SLC25A3: variants seen among roughly 807,000 people sequenced by gnomAD.
The protein encoded by SLC25A3 is solute carrier family 25 member 3.
SLC25A3 carries 14 observed loss-of-function variants against 37.1 expected under a neutral mutation model. The observed-to-expected ratio is 0.38, with a 90% CI of 0.25 to 0.59. The LOEUF (loss-of-function observed/expected upper bound fraction) is 0.59. Among genes scored for constraint, SLC25A3 ranks in the 20% least tolerant of loss-of-function variants. The pLI is 0.67. For missense variants in SLC25A3, 385 were observed against 458.1 expected (o/e 0.84, Z 1.46); for synonymous variants, 161 against 168.7 (o/e 0.95, Z 0.36).
Position 98,600,051 on chromosome 12 carries a change from G to C in SLC25A3, c.738G>C (p.Lys246Asn). 1 of 1,614,216 alleles carries C rather than the reference G, an allele frequency of 6.2e-7. No homozygotes were observed. Among genetic ancestry groups the C allele is most frequent in the South Asian group, 1.1e-5 (1 of 91,082 alleles). Residue 246 changes from lysine to asparagine, a missense_variant, in exon 6 of 8, where the codon AAG (lysine) becomes AAC (asparagine). By Grantham distance (94) the Lys-to-Asn change is moderately conservative. Transcript: ENST00000552981. ...CFERTVEALY[K>N]FVVPKPRSEC... ...AACGTACTGTTGAAGCACTGTACAA[G>C]TTTGTGGTTCCTAAGCCCCGCAGTG...
chr12:98,597,034 C>T (rs950861960), intron 3 of SLC25A3, among the ~76,000 whole-genome samples: 1 of 152,060 alleles, frequency 6.6e-6, no homozygotes, highest in Non-Finnish European at 1.5e-5. Context: ...AAACAAAAAA[C>T]ACAAAAAAAG....
At chr12:98,595,672 G>A (rs751010858) in intron 2 of SLC25A3, 55 bp from the exon 3 acceptor site, 1 of 1,613,886 alleles carries the variant, frequency 6.2e-7, no homozygotes, top group Non-Finnish European at 8.5e-7. Context: ...GTAAGTTTAT[G>A]ACCAGTAACA....
At chr12:98,598,215 A>G in intron 4 of SLC25A3, 180 bp downstream of exon 4, 2 of 693,028 alleles carry the variant, frequency 2.9e-6, no homozygotes, top group Non-Finnish European at 4.8e-6. Flanking sequence ...ATTTCATTAA[A>G]TTACAATTCT....
At position 98,604,810 on chromosome 12, in the gene SLC25A3, G is replaced by A. The variant is rs2097600386; in HGVS notation, c.*3282G>A. 6.6e-6 allele frequency: 1 copy of A among 152,456 alleles called. No homozygotes were observed. The highest frequency in any genetic ancestry group is 2.4e-5 in the African/African-American group (1 of 41,458). The allele number at this position is 152,456 out of a possible 1,614,324, so 9.4% of individuals were successfully genotyped here. A position where few individuals can be genotyped will look rare whatever the true frequency, so the allele number is the denominator to read the frequency against. Reference sequence around the variant, plus strand: ...GAAGGTCTTGCTCTGTCGCCAGACTGGAGTGCAGTGGCACGATGATAGCTC... The same window carrying A: ...GAAGGTCTTGCTCTGTCGCCAGACTAGAGTGCAGTGGCACGATGATAGCTC... On this transcript the variant is annotated 3_prime_UTR_variant, in exon 8 of 8. Transcript: ENST00000552981.
chr12:98,599,421 A>C (rs182166706), intron 5 of SLC25A3, among the ~76,000 whole-genome samples: 1 of 151,914 alleles, frequency 6.6e-6, no homozygotes, highest in East Asian at 1.9e-4. Context: ...TTTAATGTCT[A>C]TTTACCTGTA....
At chr12:98,597,708 G>T in intron 3 of SLC25A3, 148 bp from the exon 4 acceptor site, 1 of 1,108,252 alleles carries the variant, frequency 9.0e-7, no homozygotes, top group Non-Finnish European at 1.3e-6. Context: ...ACAGATGTGA[G>T]CCACCGTGCC....
intron 5 of SLC25A3, among the ~76,000 whole-genome samples, chr12:98,598,932 C>T (rs868774674): frequency 2.6e-5 from 4 of 151,852 alleles, no homozygotes; most frequent in Non-Finnish European, 4.4e-5. Context: ...CCTGCCACTG[C>T]GCCCAGCTAA....
At chr12:98,598,986 C>T (rs1465536768) in intron 5 of SLC25A3, among the ~76,000 whole-genome samples, 1 of 151,986 alleles carries the variant, frequency 6.6e-6, no homozygotes, top group Non-Finnish European at 1.5e-5. Flanking sequence ...CCGTCTCCAT[C>T]TCCTGACCTC....
At position 98,602,614 on chromosome 12, in the gene SLC25A3, A is replaced by G. The variant is rs2097598778; in HGVS notation, c.*1086A>G. On this transcript the variant is annotated 3_prime_UTR_variant, in exon 8 of 8. Transcript: ENST00000552981. ...ATTGTAGGTTTAAGCCCATTTTTAA[A>G]GAGCTCCTAGAAAGTGAATTAGTTT... 1 of 152,190 alleles carries G rather than the reference A, an allele frequency of 6.6e-6. No individual in the cohort carries two copies. Among genetic ancestry groups the G allele is most frequent in the East Asian group, 1.9e-4 (1 of 5,192 alleles). The allele number at this position is 152,190 out of a possible 1,614,324, so 9.4% of individuals were successfully genotyped here.
At chr12:98,598,306 G>C in intron 4 of SLC25A3, 4 of 780,484 alleles carry the variant, frequency 5.1e-6, no homozygotes, top group Non-Finnish European at 6.0e-6. Context: ...CCTTTGCGTA[G>C]TTCCGGGGCA....
rs1164441194 is a variant in SLC25A3 at position 98,603,460 on chromosome 12, A to G, written c.*1932A>G. The G allele has an allele frequency of 1.3e-5, 2 of 152,196 alleles. No individual in the cohort carries two copies. The highest frequency in any genetic ancestry group is 1.3e-4 in the Admixed American group (2 of 15,276). 9.4% of individuals were successfully genotyped at this position (152,196 alleles called of 1,614,324 possible). Reference sequence around the variant, plus strand: ...TACAACAGTGATGTCTCAGAAACCAAGTCCCAGATTGAGGAAAAAAGGAAC... The same window carrying G: ...TACAACAGTGATGTCTCAGAAACCAGGTCCCAGATTGAGGAAAAAAGGAAC... On this transcript the variant is annotated 3_prime_UTR_variant, in exon 8 of 8. Transcript: ENST00000552981.
rs759149460 is a variant in SLC25A3, at chr12:98,595,866, A to G, written c.279+18A>G. Reference sequence around the variant, plus strand: ...GTATGCAGGTTTGTATTGAGATGACAACATTGAAAGTATCTCTCATGTGAC... The same window carrying G: ...GTATGCAGGTTTGTATTGAGATGACGACATTGAAAGTATCTCTCATGTGAC... On this transcript the variant is annotated intron_variant, in intron 3 of 7. Coordinates refer to ENST00000552981, the MANE Select transcript of SLC25A3 (RefSeq NM_002635.4). 3 of 1,605,422 alleles carry G rather than the reference A, an allele frequency of 1.9e-6. No homozygotes were observed. The highest frequency in any genetic ancestry group is 1.7e-5 in the Admixed American group (1 of 60,010).
chr12:98,595,900 A>G, intron 3 of SLC25A3, 52 bp downstream of exon 3: 2 of 1,509,532 alleles, frequency 1.3e-6, no homozygotes, highest in South Asian at 1.1e-5. Context: ...ACTTAACTCT[A>G]AATAAAATCT....
Position 98,598,020 on chromosome 12 carries a change from C to T in SLC25A3, c.444C>T (p.Ser148=), listed in dbSNP as rs1419485575. Residue 148 remains serine, a synonymous_variant, in exon 4 of 8, where the codon AGC becomes AGT. Coordinates refer to ENST00000552981, the MANE Select transcript of SLC25A3 (RefSeq NM_002635.4). The part of the protein sequence containing the change: ...GFYEVFKVLY[S]NMLGEENTYL... Reference sequence around the variant, plus strand: ...ATGAAGTCTTTAAAGTCTTGTATAGCAATATGCTTGGAGAGGTATGTAATT... The same window carrying T: ...ATGAAGTCTTTAAAGTCTTGTATAGTAATATGCTTGGAGAGGTATGTAATT... The T allele has an allele frequency of 6.2e-7, 1 of 1,612,920 alleles. No homozygotes were observed. Among genetic ancestry groups the T allele is most frequent in the Non-Finnish European group, 8.5e-7 (1 of 1,179,064 alleles).
In SLC25A3 at chr12:98,597,818, T is replaced by A. The variant is rs367876676; in HGVS notation, c.280-38T>A. 5 of 1,604,310 alleles carry A rather than the reference T, an allele frequency of 3.1e-6. No individual in the cohort carries two copies. In the Admixed American group the frequency reaches 8.4e-5, roughly 27 times the overall value. ...AGATTAAATTTTTATGTTAGCTGTT[T>A]GGTGCATTTAATTTTTTTTTTCTTG... On this transcript the variant is annotated intron_variant, in intron 3 of 7. Transcript: ENST00000552981.
chr12:98,595,853 G>T lies in SLC25A3; in HGVS notation c.279+5G>T. On this transcript the variant is annotated splice_donor_5th_base_variant and intron_variant, in intron 3 of 7. Coordinates refer to ENST00000552981, the MANE Select transcript of SLC25A3 (RefSeq NM_002635.4). Reference sequence around the variant, plus strand: ...TTAGTGAAATGCCGTATGCAGGTTTGTATTGAGATGACAACATTGAAAGTA... The same window carrying T: ...TTAGTGAAATGCCGTATGCAGGTTTTTATTGAGATGACAACATTGAAAGTA... 6.2e-7 allele frequency: 1 copy of T among 1,611,690 alleles called. No individual in the cohort carries two copies. The highest frequency in any genetic ancestry group is 1.1e-5 in the South Asian group (1 of 90,950).
At position 98,599,958 on chromosome 12, in the gene SLC25A3, C is replaced by G. The variant is rs1451893475; in HGVS notation, c.645C>G (p.Phe215Leu). Residue 215 changes from phenylalanine to leucine, a missense_variant, in exon 6 of 8, where the codon TTC (phenylalanine) becomes TTG (leucine). By Grantham distance (22) the Phe-to-Leu change is conservative. Transcript: ENST00000552981. ...AACAAGTCTCTTGATTTCCTAGATT[C>G]TACAAGGGGGTTGCTCCTCTCTGGA... The part of the protein sequence containing the change: ...KMYKEEGLKA[F>L]YKGVAPLWMR... 2 of 1,613,654 alleles carry G rather than the reference C, an allele frequency of 1.2e-6. No individual in the cohort carries two copies. The highest frequency in any genetic ancestry group is 1.7e-6 in the Non-Finnish European group (2 of 1,179,696).
chr12:98,599,566 T>C, intron 5 of SLC25A3: 1 of 466,542 alleles, frequency 2.1e-6, no homozygotes, highest in Middle Eastern at 3.5e-4. Context: ...AAACATTTAC[T>C]ATTAACTTTT....
rs540526295 is a variant in SLC25A3, at chr12:98,602,875, A to G, written c.*1347A>G. ...AAAACTTTTTCAGAGATTGGAGAGA[A>G]ATGTTACTACAAACTCATGGTAAGG... On this transcript the variant is annotated 3_prime_UTR_variant, in exon 8 of 8. Coordinates refer to ENST00000552981, the MANE Select transcript of SLC25A3 (RefSeq NM_002635.4). The G allele has an allele frequency of 3.0e-4, 46 of 152,352 alleles. 1 individual carries two copies. Among genetic ancestry groups the G allele is most frequent in the Non-Finnish European group, 5.3e-4 (36 of 68,040 alleles). 9.4% of individuals were successfully genotyped at this position (152,352 alleles called of 1,614,324 possible).
Sources: allele counts gnomAD v4.1 joint callset (sites outside exome capture counted in the v4.1 genomes callset), GRCh38; gene constraint gnomAD v4.1.1; transcripts MANE v1.5; gene names NCBI Gene and HGNC (gene_info 2026-07-23, HGNC 2026-07-21).